IRS1: variants seen among roughly 807,000 people sequenced by gnomAD.
IRS1 encodes insulin receptor substrate 1.
A neutral mutation model predicts 65.6 loss-of-function variants in IRS1; 34 were observed. The observed-to-expected ratio is 0.52, with a 90% confidence interval of 0.39 to 0.69. The LOEUF is 0.69. Among genes scored for constraint, IRS1 ranks in the 30% least tolerant of loss-of-function variants. The pLI is 0.00. For missense variants in IRS1, 1,641 were observed against 1,720.2 expected, an observed-to-expected ratio of 0.95 and a Z score of 0.81; for synonymous variants, 699 against 683.5, an observed-to-expected ratio of 1.02 and a Z score of -0.35.
rs569140464 is a variant in IRS1, at chr2:226,731,574, A to G, written c.*4698T>C. The G allele has an allele frequency of 7.2e-5, 11 of 152,330 alleles. No homozygotes were observed. The highest frequency in any genetic ancestry group is 1.7e-4 in the African/African-American group (7 of 41,570). 9.4% of individuals were successfully genotyped at this position (152,330 alleles called of 1,614,324 possible). On this transcript the variant is annotated 3_prime_UTR_variant, in exon 2 of 2. Coordinates refer to ENST00000305123, the MANE Select transcript of IRS1 (RefSeq NM_005544.3). ...GGCCTGGCACCCATTACATATATACATAATACATGTTATAAACATATATAC... is the reference window on the plus strand; with the variant it reads ...GGCCTGGCACCCATTACATATATACGTAATACATGTTATAAACATATATAC...
At chr2:226,779,054 A>G (rs973475600) in intron 1 of IRS1, among the ~76,000 whole-genome samples, 5 of 152,294 alleles carry the variant, frequency 3.3e-5, no homozygotes, top group African/African-American at 1.2e-4. Context: ...TATGCCTGGT[A>G]CTCAGTAGAA....
Position 226,795,923 on chromosome 2 carries a change from T to A in IRS1, c.2816A>T (p.Glu939Val). Residue 939 changes from glutamate to valine, a missense_variant, in exon 1 of 2, where the codon GAG (glutamate) becomes GTG (valine). Coordinates refer to ENST00000305123, the MANE Select transcript of IRS1 (RefSeq NM_005544.3). ...PAPREEETGT[E>V]EYMKMDLGPG... ...CCCCAGGTCCATCTTCATGTACTCC[T>A]CAGTGCCAGTCTCTTCCTCTCTGGG... is the stretch of plus-strand genomic sequence containing the variant. The A allele has an allele frequency of 6.2e-7, 1 of 1,613,974 alleles. No homozygotes were observed. The highest frequency in any genetic ancestry group is 8.5e-7 in the Non-Finnish European group (1 of 1,180,026).
At chr2:226,747,708 C>T (rs182633385) in intron 1 of IRS1, among the ~76,000 whole-genome samples, 46 of 152,272 alleles carry the variant, frequency 3.0e-4, no homozygotes, top group Admixed American at 2.9e-3. Flanking sequence ...GGCAGAAACA[C>T]GCTCATGAGG....
At chr2:226,755,713 G>A (rs1197751277) in intron 1 of IRS1, among the ~76,000 whole-genome samples, 1 of 152,096 alleles carries the variant, frequency 6.6e-6, no homozygotes, top group East Asian at 1.9e-4. Context: ...CTTTCCCTCA[G>A]TACCTTTTCT....
chr2:226,782,076 A>G (rs1230032843), intron 1 of IRS1, among the ~76,000 whole-genome samples: 1 of 151,986 alleles, frequency 6.6e-6, no homozygotes, highest in African/African-American at 2.4e-5. Flanking sequence ...AAAGGAAGTT[A>G]TTGTTTAGCT....
At chr2:226,758,949 C>A (rs968237748) in intron 1 of IRS1, among the ~76,000 whole-genome samples, 1 of 152,156 alleles carries the variant, frequency 6.6e-6, no homozygotes, top group Non-Finnish European at 1.5e-5. Flanking sequence ...ATGCTCATTG[C>A]ACATTACAAA....
intron 1 of IRS1, among the ~76,000 whole-genome samples, chr2:226,739,990 G>C (rs1023541251): frequency 5.3e-5 from 8 of 152,214 alleles, no homozygotes; most frequent in Non-Finnish European, 1.2e-4. Flanking sequence ...CACTTCAATT[G>C]ACTGAAGGGA....
Position 226,797,209 on chromosome 2 carries a change from T to C in IRS1, c.1530A>G (p.Glu510=). ...TATCCAGATCTGCAGCACTGGCTGC[T>C]TCATCCCCAGCCAAGGCTGGACTCG... ...LGTSPALAGD[E]AASAADLDNR... The change falls in exon 1 of 2, where the codon GAA becomes GAG. Residue 510 remains glutamate, a synonymous_variant. Coordinates refer to ENST00000305123, the MANE Select transcript of IRS1 (RefSeq NM_005544.3). The surrounding 1 kb of genome is among the most constrained non-coding windows in gnomAD (Gnocchi z 8.1). 1 of 1,613,732 alleles carries C rather than the reference T, an allele frequency of 6.2e-7. No individual in the cohort carries two copies. Among genetic ancestry groups the C allele is most frequent in the Non-Finnish European group, 8.5e-7 (1 of 1,180,010 alleles).
At chr2:226,789,498 T>A (rs1384590348) in intron 1 of IRS1, among the ~76,000 whole-genome samples, 2 of 152,146 alleles carry the variant, frequency 1.3e-5, no homozygotes, top group Non-Finnish European at 2.9e-5. Flanking sequence ...AAAGAAAAAA[T>A]TGTGGAAGGC....
chr2:226,757,948 A>C (rs539195327), intron 1 of IRS1, among the ~76,000 whole-genome samples: 1 of 152,340 alleles, frequency 6.6e-6, no homozygotes, highest in South Asian at 2.1e-4. Context: ...TTTAGCCCTA[A>C]ATTTCTAATA....
intron 1 of IRS1, among the ~76,000 whole-genome samples, chr2:226,764,388 T>C (rs902148411): frequency 1.3e-5 from 2 of 151,718 alleles, no homozygotes; most frequent in African/African-American, 4.8e-5. Flanking sequence ...CAAAAAAATA[T>C]AAAAAGTTAG....
chr2:226,761,399 C>T (rs1336407146), intron 1 of IRS1, among the ~76,000 whole-genome samples: 1 of 152,100 alleles, frequency 6.6e-6, no homozygotes, highest in Non-Finnish European at 1.5e-5. Context: ...TGGAATTGTG[C>T]TGTACACAGC....
intron 1 of IRS1, among the ~76,000 whole-genome samples, chr2:226,788,139 A>C (rs887189201): frequency 2.6e-4 from 40 of 152,312 alleles, no homozygotes; most frequent in African/African-American, 9.6e-4. Flanking sequence ...CATGCATTAA[A>C]GTATTCTTTG....
Position 226,734,153 on chromosome 2 carries a change from T to C in IRS1, c.*2119A>G, listed in dbSNP as rs1418064039. On this transcript the variant is annotated 3_prime_UTR_variant, in exon 2 of 2. Coordinates refer to ENST00000305123, the MANE Select transcript of IRS1 (RefSeq NM_005544.3). ...CTCTCTTCTTCCACTAGCAAGAGTA[T>C]GAATCAGAATGCTTGAAAATATGAA... is the stretch of plus-strand genomic sequence containing the variant. 6.6e-6 allele frequency: 1 copy of C among 152,182 alleles called. No homozygotes were observed. Among genetic ancestry groups the C allele is most frequent in the African/African-American group, 2.4e-5 (1 of 41,452 alleles). The allele number at this position is 152,182 out of a possible 1,614,324, so 9.4% of individuals were successfully genotyped here. A position where few individuals can be genotyped will look rare whatever the true frequency, so the allele number is the denominator to read the frequency against.
At position 226,797,190 on chromosome 2, in the gene IRS1, G is replaced by T. The variant is rs780844591; in HGVS notation, c.1549C>A (p.Leu517Met). Reference protein sequence around the residue: ...AGDEAASAADLDNRFRKRTHS... With the variant: ...AGDEAASAADMDNRFRKRTHS... ...GTTCTCTTTCGGAACCGATTATCCA[G>T]ATCTGCAGCACTGGCTGCTTCATCC... The change falls in exon 1 of 2, where the codon CTG (leucine) becomes ATG (methionine). Residue 517 changes from leucine (L) to methionine (M), a missense_variant. By Grantham distance (15) the Leu-to-Met change is conservative. This residue lies in a region of IRS1 where 1,324 missense variants were observed against 1,361.0 expected (regional missense o/e 0.97). Transcript: ENST00000305123. The surrounding 1 kb of genome is among the most constrained non-coding windows in gnomAD (Gnocchi z 8.1). 10 of 1,613,860 alleles carry T rather than the reference G, an allele frequency of 6.2e-6. No homozygotes were observed. In the East Asian group the frequency reaches 2.2e-4, roughly 36 times the overall value.
Position 226,798,889 on chromosome 2 carries a change from C to T in IRS1, c.-151G>A. On this transcript the variant is annotated 5_prime_UTR_variant, in exon 1 of 2. Transcript: ENST00000305123. This position sits in a 1 kb window ranked among gnomAD's most constrained non-coding sequence, Gnocchi z 9.4. ...CTGAAATCCACGCCGCCCCCCGCGC[C>T]GGGGAGGGGCAGCTGAAGGAGGACG... 7.3e-6 allele frequency: 11 copies of T among 1,513,484 alleles called. No individual in the cohort carries two copies. In the South Asian group the frequency reaches 1.3e-4, roughly 18 times the overall value. 93.8% of individuals were successfully genotyped at this position (1,513,484 alleles called of 1,614,324 possible).
chr2:226,771,692 C>G (rs936545054), intron 1 of IRS1, among the ~76,000 whole-genome samples: 1 of 151,902 alleles, frequency 6.6e-6, no homozygotes, highest in Admixed American at 6.6e-5. Flanking sequence ...GATGCTCATG[C>G]CTTCTGCCTG....
At position 226,795,763 on chromosome 2, in the gene IRS1, C is replaced by T. The variant is rs1173549220; in HGVS notation, c.2976G>A (p.Met992Ile). 2.5e-6 allele frequency: 4 copies of T among 1,613,376 alleles called. No individual in the cohort carries two copies. The highest frequency in any genetic ancestry group is 2.2e-5 in the East Asian group (1 of 44,882). ...AGCTCTGACGGGGACAACTCATCTG[C>T]ATGGTCATGTAGTCACCCCGGCTGC... ...VPSSRGDYMT[M>I]QMSCPRQSYV... Residue 992 changes from methionine (M) to isoleucine (I), a missense_variant, in exon 1 of 2, where the codon ATG (methionine) becomes ATA (isoleucine). Met to Ile is a conservative substitution (Grantham distance 10). Transcript: ENST00000305123.
chr2:226,766,142 TATATA>T (rs1559151955), intron 1 of IRS1, among the ~76,000 whole-genome samples: 4 of 4,278 alleles, frequency 9.4e-4, no homozygotes, highest in Non-Finnish European at 1.5e-3. Flanking sequence ...TATATATATA[TATATA>T]TATATATATA....
Sources: allele counts gnomAD v4.1 joint callset (sites outside exome capture counted in the v4.1 genomes callset), GRCh38; gene constraint gnomAD v4.1.1; regional missense constraint gnomAD v4.1.1; non-coding constraint Gnocchi (gnomAD v3.1); transcripts MANE v1.5; gene names NCBI Gene and HGNC (gene_info 2026-07-23, HGNC 2026-07-21).